The following CAMSAP1 variants were observed in gnomAD, a reference collection of about 807,000 sequenced individuals.
CAMSAP1 encodes calmodulin regulated spectrin associated protein 1, also known as calmodulin-regulated spectrin-associated protein 1.
CAMSAP1 carries 58 observed loss-of-function variants against 143.5 expected under a neutral mutation model. That is an observed-to-expected ratio of 0.40 (90% CI 0.33 to 0.50). CAMSAP1 has a LOEUF of 0.50. Ranked by LOEUF, CAMSAP1 falls within the 20% of genes least tolerant of loss-of-function variation. CAMSAP1 has a pLI of 0.45. For synonymous variants in CAMSAP1, 945 were observed against 859.3 expected, an observed-to-expected ratio of 1.10 and a Z score of -1.74; for missense variants, 1,969 against 2,115.7, an observed-to-expected ratio of 0.93 and a Z score of 1.36.
Position 135,850,338 on chromosome 9 carries a change from G to A in CAMSAP1, c.932C>T (p.Ala311Val), listed in dbSNP as rs557057282. The change falls in exon 6 of 17, where the codon GCG (alanine) becomes GTG (valine). Residue 311 changes from alanine to valine, a missense_variant. Physicochemically the swap from Ala to Val is moderately conservative, Grantham distance 64. This residue lies in a region of CAMSAP1 where 221 missense variants were observed against 298.2 expected (regional missense o/e 0.74). Transcript: ENST00000389532. ...FYLTLEDMLYAPLVLKPNVMV... is the reference protein window; with the variant it reads ...FYLTLEDMLYVPLVLKPNVMV... ...CGTTATTACCTTCAACACTAATGGC[G>A]CATACAGCATATCTTCCAAGGTGAG... The A allele has an allele frequency of 1.2e-5, 19 of 1,609,402 alleles. No homozygotes were observed. Among genetic ancestry groups the A allele is most frequent in the South Asian group, 1.0e-4 (9 of 89,918 alleles).
At chr9:135,900,718 G>A (rs952808738) in intron 1 of CAMSAP1, among the ~76,000 whole-genome samples, 2 of 151,952 alleles carry the variant, frequency 1.3e-5, no homozygotes, top group African/African-American at 4.8e-5. Context: ...AGAGGACTAG[G>A]TGGGAGCTCA....
chr9:135,850,757 C>CA (rs1836747487), intron 5 of CAMSAP1, among the ~76,000 whole-genome samples: 1 of 152,238 alleles, frequency 6.6e-6, no homozygotes, highest in African/African-American at 2.4e-5. Context: ...AATCACCTTT[C>CA]ACTTTACAGC....
At chr9:135,853,340 G>A (rs184237337) in intron 5 of CAMSAP1, among the ~76,000 whole-genome samples, 58 of 152,322 alleles carry the variant, frequency 3.8e-4, no homozygotes, top group African/African-American at 1.3e-3. Flanking sequence ...GTAGTTGAGC[G>A]AGTCAGGACC....
At position 135,827,253 on chromosome 9, in the gene CAMSAP1, G is replaced by A. The variant is rs75278588; in HGVS notation, c.1223+154C>T. Among the ~76,000 whole-genome samples the A allele has an allele frequency of 4.6e-5, 7 of 152,332 alleles. No individual in the cohort carries two copies. The East Asian group carries it at 9.6e-4, about 21-fold the overall frequency. On this transcript the variant is annotated intron_variant, in intron 8 of 16. Coordinates refer to ENST00000389532, the MANE Select transcript of CAMSAP1 (RefSeq NM_015447.4). Reference sequence around the variant, plus strand: ...ATTCCCGGCCTCTGGAAAGGGGACCGAATGGCCAGAAGGGCAGGGACAGAA... The same window carrying A: ...ATTCCCGGCCTCTGGAAAGGGGACCAAATGGCCAGAAGGGCAGGGACAGAA...
intron 4 of CAMSAP1, among the ~76,000 whole-genome samples, chr9:135,862,904 G>A (rs1404335586): frequency 1.3e-5 from 2 of 152,128 alleles, no homozygotes. Flanking sequence ...TGCCACTAGT[G>A]CAGGCACACA....
At chr9:135,852,163 T>C (rs1228263937) in intron 5 of CAMSAP1, among the ~76,000 whole-genome samples, 1 of 152,212 alleles carries the variant, frequency 6.6e-6, no homozygotes, top group Non-Finnish European at 1.5e-5. Context: ...ACCCTGTCCA[T>C]ATCTGCCTTG....
intron 1 of CAMSAP1, among the ~76,000 whole-genome samples, chr9:135,894,652 A>G (rs772647937): frequency 1.7e-4 from 26 of 152,228 alleles, no homozygotes; most frequent in Admixed American, 7.8e-4. Context: ...CCAGAACCAC[A>G]GTCACAAAAG....
chr9:135,812,594 T>C (rs1247628274), intron 16 of CAMSAP1, among the ~76,000 whole-genome samples: 1 of 152,144 alleles, frequency 6.6e-6, no homozygotes, highest in Non-Finnish European at 1.5e-5. Flanking sequence ...GTGATGGTTG[T>C]GCTACTCTAT....
In CAMSAP1 at chr9:135,821,008, T is replaced by C. The variant is rs139257119; in HGVS notation, c.3653A>G (p.Lys1218Arg). ...AGGCTCCTCCACGGGGACGCTCTCT[T>C]TTCCCGAGACATCTGAGGAGCTGGA... ...VGSSSSDVSGKESVPVEEPLR... is the reference protein window; with the variant it reads ...VGSSSSDVSGRESVPVEEPLR... The change falls in exon 11 of 17, where the codon AAA (lysine) becomes AGA (arginine). Residue 1218 changes from lysine to arginine, a missense_variant. Around this residue, in one of 4 missense-constraint regions of CAMSAP1, gnomAD observed 1,390 missense variants for 1,420.8 expected, o/e 0.98. Transcript: ENST00000389532. This position sits in a 1 kb window ranked among gnomAD's most constrained non-coding sequence, Gnocchi z 4.6. The C allele has an allele frequency of 3.1e-6, 5 of 1,612,972 alleles. No homozygotes were observed. Among genetic ancestry groups the C allele is most frequent in the Non-Finnish European group, 4.2e-6 (5 of 1,179,174 alleles).
At chr9:135,843,873 CAAA>C (rs150201026) in intron 7 of CAMSAP1, among the ~76,000 whole-genome samples, 1,954 of 63,842 alleles carry the variant, frequency 0.031, 28 homozygotes, top group African/African-American at 0.11. Flanking sequence ...GACTCCGTCT[CAAA>C]AAAAAAAAAA....
At position 135,811,481 on chromosome 9, in the gene CAMSAP1, T is replaced by C. The variant is rs764569923; in HGVS notation, c.4637A>G (p.Asn1546Ser). Reference protein sequence around the residue: ...IYKLTGTGPKNITKKMIDKLY... With the variant: ...IYKLTGTGPKSITKKMIDKLY... Reference sequence around the variant, plus strand: ...TTTGTCGATCATTTTCTTGGTGATGTTCTTTGGCCCCGTGCCAGTGAGTTT... The same window carrying C: ...TTTGTCGATCATTTTCTTGGTGATGCTCTTTGGCCCCGTGCCAGTGAGTTT... Residue 1546 changes from asparagine to serine, a missense_variant, in exon 17 of 17, where the codon AAC (asparagine) becomes AGC (serine). Physicochemically the swap from Asn to Ser is conservative, Grantham distance 46. This residue lies in a region of CAMSAP1 where 143 missense variants were observed against 200.6 expected (regional missense o/e 0.71). Transcript: ENST00000389532. This position sits in a 1 kb window ranked among gnomAD's most constrained non-coding sequence, Gnocchi z 4.9. 29 of 1,611,598 alleles carry C rather than the reference T, an allele frequency of 1.8e-5. No individual in the cohort carries two copies. The South Asian group carries it at 3.1e-4, about 17-fold the overall frequency.
In CAMSAP1 at chr9:135,882,833, G is replaced by A. The variant is rs1365947469; in HGVS notation, c.406C>T (p.Arg136Cys). Reference sequence around the variant, plus strand: ...CCACTCACCATTTTTATGGGTGCGCGACTGAGGTCGGACTCTGTCACGGGG... The same window carrying A: ...CCACTCACCATTTTTATGGGTGCGCAACTGAGGTCGGACTCTGTCACGGGG... ...DTPVTESDLS[R>C]APIKMSAHMA... Residue 136 changes from arginine (R) to cysteine (C), a missense_variant, in exon 2 of 17, where the codon CGC (arginine) becomes TGC (cysteine). By Grantham distance (180) the Arg-to-Cys change is radical. Transcript: ENST00000389532. The surrounding 1 kb of genome is among the most constrained non-coding windows in gnomAD (Gnocchi z 4.9). 4 of 1,550,904 alleles carry A rather than the reference G, an allele frequency of 2.6e-6. No homozygotes were observed. The highest frequency in any genetic ancestry group is 1.7e-4 in the Middle Eastern group (1 of 5,990).
At chr9:135,899,381 G>A (rs1344699403) in intron 1 of CAMSAP1, among the ~76,000 whole-genome samples, 2 of 150,012 alleles carry the variant, frequency 1.3e-5, no homozygotes, top group Non-Finnish European at 3.0e-5. Context: ...TTGAGCCCAG[G>A]AGTTCGAGAC....
chr9:135,905,363 G>T lies in CAMSAP1; in HGVS notation c.160+1637C>A, dbSNP rs112703408. Among the ~76,000 whole-genome samples the T allele has an allele frequency of 3.4e-3, 514 of 152,344 alleles. 3 individuals are homozygous for T. Among genetic ancestry groups the T allele is most frequent in the Middle Eastern group, 0.014 (4 of 294 alleles). ...ACCTTGCTAAAGAAATTGGAAAGCAGATCGTGAAAGTTCTTTTTATAGCAA... is the reference window on the plus strand; with the variant it reads ...ACCTTGCTAAAGAAATTGGAAAGCATATCGTGAAAGTTCTTTTTATAGCAA... On this transcript the variant is annotated intron_variant, in intron 1 of 16. Transcript: ENST00000389532.
intron 8 of CAMSAP1, among the ~76,000 whole-genome samples, chr9:135,825,542 G>T (rs12337649): frequency 0.02 from 3,064 of 152,308 alleles, 92 homozygotes; most frequent in African/African-American, 0.07. Flanking sequence ...TCACTCCCGG[G>T]AAGAACGGCA....
intron 7 of CAMSAP1, chr9:135,836,153 C>A: frequency 2.0e-6 from 2 of 985,400 alleles, no homozygotes; most frequent in Non-Finnish European, 2.4e-6. Context: ...CAGAGAAGCC[C>A]ATGTGCATCT....
Position 135,822,839 on chromosome 9 carries a change from C to T in CAMSAP1, c.1822G>A (p.Val608Met). ...AVLKPAKEKQ[V>M]ITKEDERGEG... ...CCCCGTTCATCCTCCTTGGTGATCA[C>T]CTGCTTCTCTTTCGCTGGCTTAAGA... The change falls in exon 11 of 17, where the codon GTG (valine) becomes ATG (methionine). Residue 608 changes from valine to methionine, a missense_variant. Physicochemically the swap from Val to Met is conservative, Grantham distance 21 (BLOSUM62 1). Transcript: ENST00000389532. This position sits in a 1 kb window ranked among gnomAD's most constrained non-coding sequence, Gnocchi z 6.1. 6.2e-7 allele frequency: 1 copy of T among 1,614,020 alleles called. No individual in the cohort carries two copies. Among genetic ancestry groups the T allele is most frequent in the Non-Finnish European group, 8.5e-7 (1 of 1,179,898 alleles).
Position 135,874,672 on chromosome 9 carries a change from C to CA in CAMSAP1, c.585+6960dup, listed in dbSNP as rs796673379. ...TGAGGTACTAAACAGTACAGTAAGG[C>CA]AAAAAAAAAACCTTTATAATTAAAA... On this transcript the variant is annotated intron_variant, in intron 3 of 16. Transcript: ENST00000389532. Among the ~76,000 whole-genome samples, 1,191 of 142,586 alleles carry CA rather than the reference C, an allele frequency of 8.4e-3. 6 individuals are homozygous for CA. Among genetic ancestry groups the CA allele is most frequent in the African/African-American group, 0.024 (945 of 38,868 alleles). 93.5% of individuals were successfully genotyped at this position (142,586 alleles called of 152,430 possible).
chr9:135,901,680 T>A (rs1445724128), intron 1 of CAMSAP1, among the ~76,000 whole-genome samples: 1 of 152,046 alleles, frequency 6.6e-6, no homozygotes, highest in African/African-American at 2.4e-5. Flanking sequence ...AACTCTCAGG[T>A]AGAACACCTG....
Sources: allele counts gnomAD v4.1 joint callset (sites outside exome capture counted in the v4.1 genomes callset), GRCh38; gene constraint gnomAD v4.1.1; regional missense constraint gnomAD v4.1.1; non-coding constraint Gnocchi (gnomAD v3.1); transcripts MANE v1.5; gene names NCBI Gene and HGNC (gene_info 2026-07-23, HGNC 2026-07-21).